TMEFF2: variants seen among roughly 807,000 people sequenced by gnomAD.
TMEFF2 encodes tomoregulin-2.
TMEFF2 carries 28 observed loss-of-function variants against 53.8 expected under a neutral mutation model. That is an observed-to-expected ratio of 0.52 (90% confidence interval 0.39 to 0.71). The LOEUF (loss-of-function observed/expected upper bound fraction) is 0.71. TMEFF2 is among the 30% of genes least tolerant of loss of function. TMEFF2 has a pLI of 0.00. For missense variants in TMEFF2, 353 were observed against 455.2 expected (o/e 0.78, Z 2.04); for synonymous variants, 162 against 166.3 (o/e 0.97, Z 0.20).
At chr2:191,985,366 G>C (rs1410462382) in intron 7 of TMEFF2, among the ~76,000 whole-genome samples, 2 of 151,988 alleles carry the variant, frequency 1.3e-5, no homozygotes, top group African/African-American at 2.4e-5. Context: ...ATCACATATG[G>C]AATAACATTC....
At chr2:192,030,465 T>TA (rs1687101748) in intron 5 of TMEFF2, 1 of 152,054 alleles carries the variant, frequency 6.6e-6, no homozygotes, top group Non-Finnish European at 1.5e-5. Flanking sequence ...CTGCTTGCTG[T>TA]AGCCTTCCTG....
At chr2:192,079,290 T>C (rs962071963) in intron 4 of TMEFF2, among the ~76,000 whole-genome samples, 2 of 152,260 alleles carry the variant, frequency 1.3e-5, no homozygotes, top group African/African-American at 4.8e-5. Flanking sequence ...TCAGCTTTGC[T>C]GTGCAAAATC....
chr2:192,079,551 G>A (rs1444784872), intron 4 of TMEFF2, among the ~76,000 whole-genome samples: 1 of 152,196 alleles, frequency 6.6e-6, no homozygotes, highest in South Asian at 2.1e-4. Flanking sequence ...GACGGTCATT[G>A]TGAGGGAGAA....
intron 4 of TMEFF2, among the ~76,000 whole-genome samples, chr2:192,166,443 T>C (rs72918192): frequency 8.5e-5 from 13 of 152,342 alleles, no homozygotes; most frequent in Non-Finnish European, 1.3e-4. Context: ...TTAGGGATTT[T>C]TCTTACAATG....
intron 5 of TMEFF2, among the ~76,000 whole-genome samples, chr2:192,007,981 C>T (rs1217125028): frequency 1.3e-5 from 2 of 152,116 alleles, no homozygotes; most frequent in African/African-American, 4.8e-5. Flanking sequence ...ACGTTCCAAA[C>T]TAGAAACTTA....
intron 4 of TMEFF2, among the ~76,000 whole-genome samples, chr2:192,128,088 T>C (rs1032277426): frequency 2.0e-5 from 3 of 152,210 alleles, no homozygotes; most frequent in Admixed American, 6.5e-5. Flanking sequence ...TAGTTTTTAG[T>C]ATTTTACATA....
chr2:192,047,572 T>C lies in TMEFF2; in HGVS notation c.536+10107A>G, dbSNP rs568114789. Among the ~76,000 whole-genome samples, 6 of 152,344 alleles carry C rather than the reference T, an allele frequency of 3.9e-5. No homozygotes were observed. In the East Asian group the frequency reaches 1.2e-3, roughly 29 times the overall value. On this transcript the variant is annotated intron_variant, in intron 5 of 9. Transcript: ENST00000272771. ...GTCCCAAATGCATTGTCCTGATTTC[T>C]TATGTTCCATTCATAGCTTAGTGAT...
intron 5 of TMEFF2, chr2:192,032,747 T>C (rs1195736128): frequency 6.6e-6 from 1 of 152,198 alleles, no homozygotes. Flanking sequence ...CCATAGGACA[T>C]AGTGTAAGGA....
intron 4 of TMEFF2, among the ~76,000 whole-genome samples, chr2:192,139,016 T>C (rs1690075337): frequency 6.6e-6 from 1 of 152,192 alleles, no homozygotes; most frequent in African/African-American, 2.4e-5. Flanking sequence ...ATAAAGAATC[T>C]GTATCCAAGG....
At chr2:192,175,744 A>G (rs1192800277) in intron 4 of TMEFF2, among the ~76,000 whole-genome samples, 1 of 151,504 alleles carries the variant, frequency 6.6e-6, no homozygotes, top group African/African-American at 2.4e-5. Context: ...ACAACTTCCC[A>G]TAAGATGATA....
At chr2:192,016,133 A>T (rs1187497682) in intron 5 of TMEFF2, among the ~76,000 whole-genome samples, 1 of 152,180 alleles carries the variant, frequency 6.6e-6, no homozygotes. Flanking sequence ...GGTTGTGGCC[A>T]TATCATAAGA....
chr2:192,004,214 C>A (rs1686442682), intron 5 of TMEFF2, among the ~76,000 whole-genome samples: 1 of 152,112 alleles, frequency 6.6e-6, no homozygotes, highest in Non-Finnish European at 1.5e-5. Context: ...GATGTGGGGT[C>A]TCCAAAGGAG....
At chr2:191,999,354 T>C in intron 5 of TMEFF2, 146 bp from the exon 6 acceptor site, 1 of 534,972 alleles carries the variant, frequency 1.9e-6, no homozygotes, top group Non-Finnish European at 3.0e-6. Flanking sequence ...TCCTTCACTT[T>C]TCTAACTGAG....
intron 4 of TMEFF2, among the ~76,000 whole-genome samples, chr2:192,077,799 T>C (rs939357678): frequency 1.3e-5 from 2 of 152,090 alleles, no homozygotes; most frequent in Admixed American, 6.6e-5. Context: ...TATATGTATG[T>C]ATATATTTGT....
At position 192,194,532 on chromosome 2, in the gene TMEFF2, T is replaced by C; in HGVS notation, c.-8A>G. 6.2e-7 allele frequency: 1 copy of C among 1,610,874 alleles called. No individual in the cohort carries two copies. The highest frequency in any genetic ancestry group is 8.5e-7 in the Non-Finnish European group (1 of 1,178,354). ...GGACTCCCACAGCACCATGACTAGTTCGTGCAACTCTGCAGCAGCAAACGG... is the reference window on the plus strand; with the variant it reads ...GGACTCCCACAGCACCATGACTAGTCCGTGCAACTCTGCAGCAGCAAACGG... On this transcript the variant is annotated 5_prime_UTR_variant, in exon 1 of 10. Transcript: ENST00000272771. The surrounding 1 kb of genome is among the most constrained non-coding windows in gnomAD (Gnocchi z 4.2).
At chr2:192,024,798 G>A (rs1047208534) in intron 5 of TMEFF2, among the ~76,000 whole-genome samples, 7 of 152,210 alleles carry the variant, frequency 4.6e-5, no homozygotes, top group African/African-American at 1.7e-4. Context: ...CTATGTCAAT[G>A]ACTGTTGAAA....
chr2:192,084,962 TTAAA>T (rs1688635144), intron 4 of TMEFF2, among the ~76,000 whole-genome samples: 1 of 152,156 alleles, frequency 6.6e-6, no homozygotes, highest in Non-Finnish European at 1.5e-5. Flanking sequence ...TGGCTTTTCT[TTAAA>T]TATTTTAAAC....
At chr2:192,023,644 C>T (rs1260935128) in intron 5 of TMEFF2, among the ~76,000 whole-genome samples, 1 of 151,906 alleles carries the variant, frequency 6.6e-6, no homozygotes, top group Non-Finnish European at 1.5e-5. Context: ...ATTGGCTTTG[C>T]ACTTATGCTA....
At chr2:192,182,177 C>T (rs1410692943) in intron 3 of TMEFF2, among the ~76,000 whole-genome samples, 1 of 151,868 alleles carries the variant, frequency 6.6e-6, no homozygotes, top group Non-Finnish European at 1.5e-5. Flanking sequence ...ATATCTTCTA[C>T]TGCCTATTAT....
Sources: allele counts gnomAD v4.1 joint callset (sites outside exome capture counted in the v4.1 genomes callset), GRCh38; gene constraint gnomAD v4.1.1; non-coding constraint Gnocchi (gnomAD v3.1); transcripts MANE v1.5; gene names NCBI Gene and HGNC (gene_info 2026-07-23, HGNC 2026-07-21).